Variants in MYO3B observed in about 807,000 individuals in gnomAD.
MYO3B encodes myosin-IIIb.
A neutral mutation model predicts 174.6 loss-of-function variants in MYO3B; 156 were observed. The observed-to-expected ratio is 0.89, with a 90% CI of 0.78 to 1.02. The LOEUF is 1.02. Ranked by LOEUF, MYO3B falls within the 50% of genes least tolerant of loss-of-function variation. MYO3B has a pLI of 0.00. For synonymous variants in MYO3B, 563 were observed against 569.1 expected (o/e 0.99, Z 0.15); for missense variants, 1,632 against 1,639.4 (o/e 1.00, Z 0.08).
At position 170,499,815 on chromosome 2, in the gene MYO3B, G is replaced by A. The variant is rs373958326; in HGVS notation, c.3289+7G>A. 41 of 1,613,308 alleles carry A rather than the reference G, an allele frequency of 2.5e-5. No homozygotes were observed. The highest frequency in any genetic ancestry group is 3.3e-5 in the Non-Finnish European group (39 of 1,179,516). ...GCCATTGCCATCCAGTCAGGTAAATGGTCCTGTTCTCATAAATACTGCCCT... is the reference window on the plus strand; with the variant it reads ...GCCATTGCCATCCAGTCAGGTAAATAGTCCTGTTCTCATAAATACTGCCCT... On this transcript the variant is annotated splice_region_variant and intron_variant, in intron 27 of 34. Coordinates refer to ENST00000408978, the MANE Select transcript of MYO3B (RefSeq NM_138995.5).
At chr2:170,488,333 C>T (rs1456766459) in intron 25 of MYO3B, among the ~76,000 whole-genome samples, 3 of 151,374 alleles carry the variant, frequency 2.0e-5, no homozygotes, top group African/African-American at 7.3e-5. Context: ...CTAGGTAGGC[C>T]TTTTAGGATT....
chr2:170,222,362 G>C (rs1032082921), intron 6 of MYO3B, among the ~76,000 whole-genome samples: 9 of 152,192 alleles, frequency 5.9e-5, no homozygotes, highest in African/African-American at 2.2e-4. Context: ...CTGTAATCAA[G>C]TAGTACAAAC....
chr2:170,467,538 A>G (rs557963170), intron 25 of MYO3B, among the ~76,000 whole-genome samples: 1 of 152,124 alleles, frequency 6.6e-6, no homozygotes, highest in Non-Finnish European at 1.5e-5. Context: ...ACAAAAAAAA[A>G]ACACCCCTGA....
At position 170,501,137 on chromosome 2, in the gene MYO3B, A is replaced by G. The variant is rs74864650; in HGVS notation, c.3290-648A>G. On this transcript the variant is annotated intron_variant, in intron 27 of 34. Transcript: ENST00000408978. Reference sequence around the variant, plus strand: ...GGGTGGCTTAATGCCCCAGTTTTGTATCTAAAGGGCTTACCACCTTTGCCC... The same window carrying G: ...GGGTGGCTTAATGCCCCAGTTTTGTGTCTAAAGGGCTTACCACCTTTGCCC... Among the ~76,000 whole-genome samples, 1,181 of 152,144 alleles carry G rather than the reference A, an allele frequency of 7.8e-3. 25 individuals carry two copies. The highest frequency in any genetic ancestry group is 0.027 in the African/African-American group (1,120 of 41,506).
chr2:170,649,167 T>A (rs1249344997), intron 32 of MYO3B, among the ~76,000 whole-genome samples: 3 of 64,138 alleles, frequency 4.7e-5, no homozygotes, highest in African/African-American at 2.5e-4. Flanking sequence ...AAATAATATA[T>A]AATATATTAT....
At chr2:170,252,744 A>G (rs2093266628) in intron 7 of MYO3B, among the ~76,000 whole-genome samples, 1 of 152,204 alleles carries the variant, frequency 6.6e-6, no homozygotes, top group Non-Finnish European at 1.5e-5. Context: ...GGTTTGTTAT[A>G]TAATGTGCTG....
chr2:170,634,172 C>G (rs1575305113), intron 32 of MYO3B, among the ~76,000 whole-genome samples: 1 of 152,180 alleles, frequency 6.6e-6, no homozygotes, highest in African/African-American at 2.4e-5. Context: ...CAATCCTAAG[C>G]CAAAAAAACA....
intron 32 of MYO3B, among the ~76,000 whole-genome samples, chr2:170,555,764 T>G (rs1253370954): frequency 6.6e-6 from 1 of 152,052 alleles, no homozygotes; most frequent in African/African-American, 2.4e-5. Context: ...CCTAGCTACA[T>G]GGAAGGCTGA....
chr2:170,543,967 T>C lies in MYO3B; in HGVS notation c.3712T>C (p.Trp1238Arg). The change falls in exon 32 of 35, where the codon TGG (tryptophan) becomes CGG (arginine). Residue 1238 changes from tryptophan to arginine, a missense_variant. Physicochemically the swap from Trp to Arg is moderately radical, Grantham distance 101. Transcript: ENST00000408978. ...TCCAGATCAGCAAGGATTGAGTCTC[T>C]GGGGAGCCCCTCAAAAGCCTGGTAA... The part of the protein sequence containing the change: ...PAPDQQGLSL[W>R]GAPQKPGSEN... The C allele has an allele frequency of 6.2e-7, 1 of 1,613,048 alleles. No homozygotes were observed. The highest frequency in any genetic ancestry group is 8.5e-7 in the Non-Finnish European group (1 of 1,179,188).
rs745345851 is a variant in MYO3B, at chr2:170,214,377, A to G, written c.322-2A>G. On this transcript the variant is annotated splice_acceptor_variant, in intron 3 of 34. Coordinates refer to ENST00000408978, the MANE Select transcript of MYO3B (RefSeq NM_138995.5). LOFTEE classifies it high-confidence loss of function. Reference sequence around the variant, plus strand: ...CCCTGTGTCTGGCACCTCTTCTTGCAGCTGTGTAATGGGGGCTCAGTCACT... The same window carrying G: ...CCCTGTGTCTGGCACCTCTTCTTGCGGCTGTGTAATGGGGGCTCAGTCACT... The G allele has an allele frequency of 6.2e-7, 1 of 1,613,502 alleles. No individual in the cohort carries two copies.
At chr2:170,568,609 C>G (rs919795872) in intron 32 of MYO3B, among the ~76,000 whole-genome samples, 3 of 152,158 alleles carry the variant, frequency 2.0e-5, no homozygotes, top group Non-Finnish European at 4.4e-5. Flanking sequence ...CTGCAGTTTG[C>G]CCCACCACAT....
intron 8 of MYO3B, among the ~76,000 whole-genome samples, chr2:170,366,999 C>T (rs945221310): frequency 1.4e-5 from 2 of 146,172 alleles, no homozygotes; most frequent in African/African-American, 5.0e-5. Flanking sequence ...GAACACTGCC[C>T]TGAGGTACCT....
At chr2:170,220,090 C>T (rs533080178) in intron 6 of MYO3B, among the ~76,000 whole-genome samples, 1 of 151,606 alleles carries the variant, frequency 6.6e-6, no homozygotes, top group African/African-American at 2.4e-5. Flanking sequence ...AACCCTGTCT[C>T]TACTAAAAAT....
intron 22 of MYO3B, among the ~76,000 whole-genome samples, chr2:170,440,726 C>T (rs997840752): frequency 2.0e-5 from 3 of 149,642 alleles, no homozygotes; most frequent in African/African-American, 7.4e-5. Flanking sequence ...GCACTTCAGC[C>T]AGGGCAACAG....
intron 23 of MYO3B, among the ~76,000 whole-genome samples, chr2:170,445,494 A>G (rs1219681236): frequency 1.3e-5 from 2 of 152,058 alleles, no homozygotes; most frequent in African/African-American, 4.8e-5. Flanking sequence ...GGCATGCACC[A>G]CCTGGCCTAG....
intron 7 of MYO3B, among the ~76,000 whole-genome samples, chr2:170,273,034 G>A (rs1312059873): frequency 1.3e-5 from 2 of 152,062 alleles, no homozygotes; most frequent in Admixed American, 1.3e-4. Flanking sequence ...GGGTTGGGGT[G>A]GGGTAGTGTA....
intron 28 of MYO3B, among the ~76,000 whole-genome samples, chr2:170,508,476 A>G (rs913570055): frequency 1.3e-5 from 2 of 152,304 alleles, no homozygotes; most frequent in South Asian, 4.1e-4. Flanking sequence ...TGATCATGCT[A>G]TTTTTCTTCA....
intron 32 of MYO3B, among the ~76,000 whole-genome samples, chr2:170,630,413 G>T (rs1411178470): frequency 6.6e-6 from 1 of 152,178 alleles, no homozygotes; most frequent in Non-Finnish European, 1.5e-5. Flanking sequence ...GAACTGAGTG[G>T]GGCCCACCGC....
At chr2:170,266,377 G>C (rs1195103779) in intron 7 of MYO3B, among the ~76,000 whole-genome samples, 4 of 152,098 alleles carry the variant, frequency 2.6e-5, no homozygotes, top group African/African-American at 9.7e-5. Context: ...TTAAACAAAT[G>C]CATTTCTAGG....
Sources: gnomAD v4.1 joint callset for allele counts (sites outside exome capture counted in the v4.1 genomes callset) on GRCh38, gnomAD v4.1.1 for gene constraint, MANE v1.5 for transcripts, NCBI Gene and HGNC (gene_info 2026-07-23, HGNC 2026-07-21) for gene names.